The following ZDHHC5 variants were observed in gnomAD, a reference collection of about 807,000 sequenced individuals.
The protein encoded by ZDHHC5 is palmitoyltransferase ZDHHC5.
Under a neutral mutation model 70.0 loss-of-function variants are expected in ZDHHC5, and 22 were observed. The observed-to-expected ratio is 0.31, with a 90% CI of 0.22 to 0.45. The LOEUF (loss-of-function observed/expected upper bound fraction) is 0.45. Ranked by LOEUF, ZDHHC5 falls within the 20% of genes least tolerant of loss-of-function variation. The pLI, the probability that ZDHHC5 is intolerant of heterozygous loss-of-function variation, is 1.00. For synonymous variants in ZDHHC5, 313 were observed against 347.8 expected (o/e 0.90, Z 1.11); for missense variants, 746 against 926.9 (o/e 0.80, Z 2.53).
At chr11:57,674,509 C>T (rs764487927) in intron 2 of ZDHHC5, among the ~76,000 whole-genome samples, 6 of 152,036 alleles carry the variant, frequency 3.9e-5, no homozygotes, top group Non-Finnish European at 7.4e-5. Flanking sequence ...GGTTCAGGCT[C>T]AAACCTAGTT....
Position 57,682,474 on chromosome 11 carries a change from A to G in ZDHHC5, c.157A>G (p.Ile53Val), listed in dbSNP as rs774742535. 1.2e-5 allele frequency: 20 copies of G among 1,613,976 alleles called. No individual in the cohort carries two copies. The highest frequency in any genetic ancestry group is 1.6e-5 in the Non-Finnish European group (19 of 1,180,028). Residue 53 changes from isoleucine (I) to valine (V), a missense_variant, in exon 3 of 12, where the codon ATT becomes GTT. By Grantham distance (29) the Ile-to-Val change is conservative. Coordinates refer to ENST00000287169, the MANE Select transcript of ZDHHC5 (RefSeq NM_015457.3). ...ACCTGCAGTGCCCATCTACAATGCA[A>G]TTATGTTTCTCTTTGTGTTGGCCAA... ...VSPAVPIYNA[I>V]MFLFVLANFS...
At chr11:57,679,810 T>C (rs535926460) in intron 2 of ZDHHC5, among the ~76,000 whole-genome samples, 13 of 152,216 alleles carry the variant, frequency 8.5e-5, no homozygotes, top group African/African-American at 3.1e-4. Context: ...CGGGCTCTGC[T>C]CACACATGCC....
chr11:57,696,671 C>A, intron 9 of ZDHHC5, 90 bp from the exon 10 acceptor site: 1 of 1,154,036 alleles, frequency 8.7e-7, no homozygotes, highest in Non-Finnish European at 1.3e-6. Flanking sequence ...CGTGCCACTG[C>A]ACTCTAGCTT....
chr11:57,691,988 CTT>C (rs879286382), intron 6 of ZDHHC5, among the ~76,000 whole-genome samples: 1 of 146,552 alleles, frequency 6.8e-6, no homozygotes, highest in Admixed American at 6.8e-5. Context: ...ACCTTAATTG[CTT>C]TTTTTTTTTC....
At chr11:57,681,852 C>T (rs1946153310) in intron 2 of ZDHHC5, among the ~76,000 whole-genome samples, 1 of 152,198 alleles carries the variant, frequency 6.6e-6, no homozygotes, top group African/African-American at 2.4e-5. Context: ...AAAAGAATTT[C>T]CCAACCTTAA....
intron 6 of ZDHHC5, among the ~76,000 whole-genome samples, chr11:57,691,744 C>T (rs1454838825): frequency 6.0e-5 from 9 of 151,088 alleles, no homozygotes; most frequent in Admixed American, 5.3e-4. Context: ...TGTAGCAAGA[C>T]ATATGTATAT....
At chr11:57,674,733 C>T (rs999243461) in intron 2 of ZDHHC5, among the ~76,000 whole-genome samples, 2 of 152,158 alleles carry the variant, frequency 1.3e-5, no homozygotes, top group African/African-American at 2.4e-5. Context: ...GTCACATTGT[C>T]TAAAGAGTCA....
intron 3 of ZDHHC5, among the ~76,000 whole-genome samples, chr11:57,687,651 T>G (rs1023894951): frequency 6.6e-6 from 1 of 151,312 alleles, no homozygotes; most frequent in African/African-American, 2.4e-5. Flanking sequence ...GGGTTTCTGA[T>G]AGCTGAAAAT....
At chr11:57,682,925 C>T (rs1946166589) in intron 3 of ZDHHC5, among the ~76,000 whole-genome samples, 1 of 152,120 alleles carries the variant, frequency 6.6e-6, no homozygotes, top group Admixed American at 6.6e-5. Context: ...GTGATGCAGA[C>T]TATAATGGAG....
In ZDHHC5 at chr11:57,699,186, A is replaced by G; in HGVS notation, c.1750A>G (p.Ser584Gly). ...TPGSGHAPRT[S>G]SSSDDSKRSP... The stretch of plus-strand genomic sequence containing the variant: ...AGGCTCGGGCCATGCCCCTCGTACT[A>G]GTTCCTCCTCAGATGATTCAAAGAG... The change falls in exon 11 of 12, where the codon AGT becomes GGT. Residue 584 changes from serine (S) to glycine (G), a missense_variant. By Grantham distance (56) the Ser-to-Gly change is moderately conservative (BLOSUM62 0). Transcript: ENST00000287169. 1.2e-6 allele frequency: 2 copies of G among 1,614,232 alleles called. No individual in the cohort carries two copies. The highest frequency in any genetic ancestry group is 1.1e-5 in the South Asian group (1 of 91,090).
At chr11:57,677,274 C>T (rs1305626304) in intron 2 of ZDHHC5, among the ~76,000 whole-genome samples, 7 of 138,436 alleles carry the variant, frequency 5.1e-5, no homozygotes, top group East Asian at 2.4e-4. Context: ...AAGATCTCTG[C>T]TTCACGTGAT....
At chr11:57,669,334 TAAGGA>T (rs894166252) in intron 1 of ZDHHC5, among the ~76,000 whole-genome samples, 1 of 152,264 alleles carries the variant, frequency 6.6e-6, no homozygotes, top group African/African-American at 2.4e-5. Flanking sequence ...TCCACCTATT[TAAGGA>T]AATACCTGTA....
chr11:57,693,999 GTGTT>G, intron 8 of ZDHHC5, 84 bp downstream of exon 8: 1 of 1,214,614 alleles, frequency 8.2e-7, no homozygotes. Context: ...AGTTTCCTTT[GTGTT>G]TTTTTTTTTT....
intron 4 of ZDHHC5, 54 bp downstream of exon 4, chr11:57,688,719 C>T: frequency 6.6e-7 from 1 of 1,511,466 alleles, no homozygotes; most frequent in Non-Finnish European, 8.9e-7. Context: ...TGTCTTCATC[C>T]TAACCATATA....
chr11:57,679,194 C>T (rs2135384069), intron 2 of ZDHHC5, among the ~76,000 whole-genome samples: 1 of 152,096 alleles, frequency 6.6e-6, no homozygotes, highest in Non-Finnish European at 1.5e-5. Flanking sequence ...CGGAGTTTGG[C>T]TTTTACGCCC....
chr11:57,692,832 C>T, intron 7 of ZDHHC5, 130 bp downstream of exon 7: 1 of 852,714 alleles, frequency 1.2e-6, no homozygotes, highest in Non-Finnish European at 1.8e-6. Flanking sequence ...TGTTAAGTAC[C>T]CACTCTATCT....
Position 57,673,871 on chromosome 11 carries a change from C to T in ZDHHC5, c.104+677C>T, listed in dbSNP as rs191009211. ...ACAGGTGTGAGCCACCATGCTGGGC[C>T]GACTAAAGCCTTTTTAAATGCTAAT... On this transcript the variant is annotated intron_variant, in intron 2 of 11. Coordinates refer to ENST00000287169, the MANE Select transcript of ZDHHC5 (RefSeq NM_015457.3). Among the ~76,000 whole-genome samples the T allele has an allele frequency of 1.6e-3, 240 of 152,228 alleles. 3 individuals are homozygous for T. The highest frequency in any genetic ancestry group is 5.6e-3 in the African/African-American group (233 of 41,550).
At chr11:57,695,473 G>T (rs1946338740) in intron 8 of ZDHHC5, among the ~76,000 whole-genome samples, 2 of 151,892 alleles carry the variant, frequency 1.3e-5, no homozygotes, top group South Asian at 4.2e-4. Flanking sequence ...ACTGATTCTT[G>T]TGCCTTGTCT....
intron 3 of ZDHHC5, among the ~76,000 whole-genome samples, chr11:57,687,694 A>G (rs1946224324): frequency 6.6e-6 from 1 of 152,054 alleles, no homozygotes; most frequent in South Asian, 2.1e-4. Flanking sequence ...TGTGCAACAA[A>G]TAATACTGAA....
Sources: allele counts gnomAD v4.1 joint callset (sites outside exome capture counted in the v4.1 genomes callset), GRCh38; gene constraint gnomAD v4.1.1; transcripts MANE v1.5; gene names NCBI Gene and HGNC (gene_info 2026-07-23, HGNC 2026-07-21).